The following ENAH variants were observed in gnomAD, a reference collection of about 807,000 sequenced individuals.
ENAH encodes ENAH actin regulator, also known as protein enabled homolog.
In ENAH, 23 loss-of-function variants were observed where a neutral mutation model predicts 78.7. The ratio of observed to expected loss-of-function variants is 0.29; its 90% confidence interval spans 0.21 to 0.41. The LOEUF is 0.41. ENAH is among the 10% of genes least tolerant of loss of function. ENAH has a pLI of 1.00. For missense variants in ENAH, 544 were observed against 691.0 expected, an observed-to-expected ratio of 0.79 and a Z score of 2.39; for synonymous variants, 226 against 241.0, an observed-to-expected ratio of 0.94 and a Z score of 0.58.
At chr1:225,582,113 G>A (rs557824840) in intron 1 of ENAH, among the ~76,000 whole-genome samples, 5 of 152,096 alleles carry the variant, frequency 3.3e-5, no homozygotes, top group East Asian at 3.9e-4. Flanking sequence ...CATCCCCTTG[G>A]TGCTATTCCT....
chr1:225,619,904 T>A (rs1387893284), intron 1 of ENAH, among the ~76,000 whole-genome samples: 2 of 151,922 alleles, frequency 1.3e-5, no homozygotes, highest in African/African-American at 4.8e-5. Flanking sequence ...TAAAAAAAAA[T>A]GTCTGGTGAT....
At chr1:225,540,183 C>T (rs1243595601) in intron 3 of ENAH, among the ~76,000 whole-genome samples, 1 of 151,988 alleles carries the variant, frequency 6.6e-6, no homozygotes, top group South Asian at 2.1e-4. Flanking sequence ...ACTCTGGATG[C>T]GAGTGGGCAA....
At chr1:225,608,844 A>AGGG (rs1277212104) in intron 1 of ENAH, among the ~76,000 whole-genome samples, 5 of 135,000 alleles carry the variant, frequency 3.7e-5, no homozygotes, top group African/African-American at 1.4e-4. Context: ...AAAAAAAAGG[A>AGGG]GGGGGGTCTT....
At chr1:225,560,311 G>C (rs1056528237) in intron 2 of ENAH, among the ~76,000 whole-genome samples, 1 of 151,908 alleles carries the variant, frequency 6.6e-6, no homozygotes, top group Non-Finnish European at 1.5e-5. Context: ...GGCCAACATG[G>C]CAAAACCCTG....
chr1:225,497,020 T>G lies in ENAH; in HGVS notation c.*755A>C, dbSNP rs2151017430. 6.5e-6 allele frequency: 1 copy of G among 152,730 alleles called. No individual in the cohort carries two copies. Among genetic ancestry groups the G allele is most frequent in the African/African-American group, 2.4e-5 (1 of 41,564 alleles). The allele number at this position is 152,730 out of a possible 1,614,324, so 9.5% of individuals were successfully genotyped here. On this transcript the variant is annotated 3_prime_UTR_variant, in exon 14 of 14. Transcript: ENST00000366843. ...TATAGTGTTTACATTTGACCACTGG[T>G]TTGTGTTATGTAGAAGTCATAGATT...
chr1:225,569,322 T>TG (rs1419325214), intron 1 of ENAH, among the ~76,000 whole-genome samples: 1 of 152,190 alleles, frequency 6.6e-6, no homozygotes, highest in East Asian at 1.9e-4. Context: ...GATAATGTCT[T>TG]GGGGTGTGGG....
At chr1:225,586,563 A>G (rs1041302406) in intron 1 of ENAH, among the ~76,000 whole-genome samples, 1 of 152,208 alleles carries the variant, frequency 6.6e-6, no homozygotes, top group African/African-American at 2.4e-5. Context: ...TTATCCTTAA[A>G]TAATACACAA....
intron 1 of ENAH, among the ~76,000 whole-genome samples, chr1:225,621,637 C>A (rs1234270280): frequency 6.6e-6 from 1 of 152,164 alleles, no homozygotes; most frequent in Non-Finnish European, 1.5e-5. Flanking sequence ...TACATATACA[C>A]CATAATGGCC....
chr1:225,577,432 G>A (rs548091443), intron 1 of ENAH, among the ~76,000 whole-genome samples: 4 of 152,286 alleles, frequency 2.6e-5, no homozygotes, highest in South Asian at 2.1e-4. Context: ...TGCAAATAAC[G>A]GCAGCCTACA....
chr1:225,637,601 T>C (rs1660293475), intron 1 of ENAH, among the ~76,000 whole-genome samples: 1 of 152,188 alleles, frequency 6.6e-6, no homozygotes, highest in African/African-American at 2.4e-5. Context: ...GGGGAGAACT[T>C]AGTTCTAAGT....
chr1:225,628,689 T>C (rs977124786), intron 1 of ENAH, among the ~76,000 whole-genome samples: 4 of 152,016 alleles, frequency 2.6e-5, no homozygotes, highest in African/African-American at 9.7e-5. Flanking sequence ...GGTGGGCAGA[T>C]CACCTGAGGT....
At chr1:225,582,163 C>A (rs4129816) in intron 1 of ENAH, among the ~76,000 whole-genome samples, 2 of 151,364 alleles carry the variant, frequency 1.3e-5, no homozygotes, top group Non-Finnish European at 3.0e-5. Flanking sequence ...GTCTTCCCCC[C>A]CTCTCTCTCT....
At chr1:225,530,238 C>A (rs903173834) in intron 4 of ENAH, among the ~76,000 whole-genome samples, 10 of 152,142 alleles carry the variant, frequency 6.6e-5, no homozygotes, top group Admixed American at 1.3e-4. Flanking sequence ...TCACAGATCA[C>A]TTTATAATTA....
At position 225,652,859 on chromosome 1, in the gene ENAH, G is replaced by A; in HGVS notation, c.-169C>T. 1 of 442,118 alleles carries A rather than the reference G, an allele frequency of 2.3e-6. No individual in the cohort carries two copies. Among genetic ancestry groups the A allele is most frequent in the Non-Finnish European group, 3.8e-6 (1 of 266,190 alleles). The allele number at this position is 442,118 out of a possible 1,614,324, so 27.4% of individuals were successfully genotyped here. On this transcript the variant is annotated 5_prime_UTR_variant, in exon 1 of 14. Transcript: ENST00000366843. The stretch of plus-strand genomic sequence containing the variant: ...ACACCATCTCCTCGCACAAAGCCGA[G>A]GCGCCGGCCGGGAGTGTGGGAGAAG...
chr1:225,570,788 G>A lies in ENAH; in HGVS notation c.6-3374C>T, dbSNP rs371607752. The stretch of plus-strand genomic sequence containing the variant: ...AGCCTGACCAACATGGAGAAACCCT[G>A]TCTCTACTAAAAATGCAAAAAAAAA... On this transcript the variant is annotated intron_variant, in intron 1 of 13. Transcript: ENST00000366843. Among the ~76,000 whole-genome samples, 725 of 150,404 alleles carry A rather than the reference G, an allele frequency of 4.8e-3. 5 individuals are homozygous for A. Among genetic ancestry groups the A allele is most frequent in the Non-Finnish European group, 8.2e-3 (553 of 67,574 alleles).
chr1:225,505,477 T>C (rs1487252318), intron 11 of ENAH, among the ~76,000 whole-genome samples: 1 of 152,202 alleles, frequency 6.6e-6, no homozygotes, highest in Non-Finnish European at 1.5e-5. Flanking sequence ...AGTCTTGCTT[T>C]TACTCTGACA....
At chr1:225,529,949 T>G (rs930653053) in intron 4 of ENAH, among the ~76,000 whole-genome samples, 1 of 152,168 alleles carries the variant, frequency 6.6e-6, no homozygotes, top group Non-Finnish European at 1.5e-5. Context: ...CTGCCTCAGA[T>G]GAGTTGGGGC....
At chr1:225,515,748 T>C (rs1275828241) in intron 6 of ENAH, among the ~76,000 whole-genome samples, 3 of 152,194 alleles carry the variant, frequency 2.0e-5, no homozygotes, top group African/African-American at 7.2e-5. Context: ...TTGCTAACTT[T>C]TTCAGCTTGA....
chr1:225,599,872 G>C (rs889167207), intron 1 of ENAH, among the ~76,000 whole-genome samples: 1 of 151,830 alleles, frequency 6.6e-6, no homozygotes, highest in Admixed American at 6.6e-5. Flanking sequence ...CTGGATCATG[G>C]GGGAGGAGGA....
Sources: allele counts gnomAD v4.1 joint callset (sites outside exome capture counted in the v4.1 genomes callset), GRCh38; gene constraint gnomAD v4.1.1; transcripts MANE v1.5; gene names NCBI Gene and HGNC (gene_info 2026-07-23, HGNC 2026-07-21).